MAZ: variants seen among roughly 807,000 people sequenced by gnomAD.
MAZ encodes MYC associated zinc finger protein.
Under a neutral mutation model 32.7 loss-of-function variants are expected in MAZ, and 4 were observed. The observed-to-expected ratio is 0.12, with a 90% confidence interval of 0.06 to 0.28. MAZ has a LOEUF of 0.28. MAZ is among the 10% of genes least tolerant of loss of function. The pLI, the probability that MAZ is intolerant of heterozygous loss-of-function variation, is 1.00. For missense variants in MAZ, 763 were observed against 667.2 expected (o/e 1.14, Z -1.58); for synonymous variants, 510 against 297.6 (o/e 1.71, Z -7.35).
chr16:29,811,092 C>G lies in MAZ; in HGVS notation c.*861C>G. On this transcript the variant is annotated 3_prime_UTR_variant, in exon 5 of 5. Coordinates refer to ENST00000322945, the MANE Select transcript of MAZ (RefSeq NM_002383.4). ...GCCATGTCATCGTGTTCCTGTGTCC[C>G]CTGCATGTACCCCACCCTCCACCCC... The G allele has an allele frequency of 2.2e-6, 1 of 453,700 alleles. No homozygotes were observed. Among genetic ancestry groups the G allele is most frequent in the Non-Finnish European group, 4.4e-6 (1 of 225,646 alleles). The allele number at this position is 453,700 out of a possible 1,614,324, so 28.1% of individuals were successfully genotyped here.
At chr16:29,808,936 T>G (rs951480424) in intron 4 of MAZ, 195 bp downstream of exon 4, 6 of 595,782 alleles carry the variant, frequency 1.0e-5, no homozygotes, top group African/African-American at 9.4e-5. Flanking sequence ...TTGGAAGAGA[T>G]GATCTGCCAG....
chr16:29,807,187 TCCGCCACCC>T lies in MAZ; in HGVS notation c.409_417del (p.Pro137_Pro139del), dbSNP rs1160389607. ...CCCTGAAGCAGCCTCCGGCGCCCCC[TCCGCCACCC>T]CCGCCAGTGTCGGCGCCCGCGGCCG... On this transcript the variant is annotated inframe_deletion, in exon 2 of 5. Transcript: ENST00000322945. 2.2e-5 allele frequency: 24 copies of T among 1,102,968 alleles called. No individual in the cohort carries two copies. The highest frequency in any genetic ancestry group is 2.7e-5 in the Non-Finnish European group (24 of 881,668). 68.3% of individuals were successfully genotyped at this position (1,102,968 alleles called of 1,614,324 possible). A position where few individuals can be genotyped will look rare whatever the true frequency, so the allele number is the denominator to read the frequency against.
chr16:29,809,238 G>GT, intron 4 of MAZ: 2 of 530,672 alleles, frequency 3.8e-6, no homozygotes, highest in Non-Finnish European at 6.6e-6. Context: ...TCTGCTGAGG[G>GT]TCAACCCTGC....
chr16:29,809,748 AC>A, intron 4 of MAZ: 2 of 1,411,508 alleles, frequency 1.4e-6, no homozygotes, highest in Non-Finnish European at 9.3e-7. Context: ...GCTGAGGGGG[AC>A]CCCCGCACCC....
intron 4 of MAZ, chr16:29,809,512 CGCCCCATCCCAATCCA>C: frequency 2.0e-6 from 3 of 1,472,232 alleles, no homozygotes; most frequent in Non-Finnish European, 2.8e-6. Flanking sequence ...GGCTGACCCC[CGCCCCATCCCAATCCA>C]CCCCCCAATA....
At chr16:29,809,935 A>G (rs1899819506) in intron 4 of MAZ, 142 bp from the exon 5 acceptor site, 1 of 1,365,414 alleles carries the variant, frequency 7.3e-7, no homozygotes, top group East Asian at 2.3e-5. Flanking sequence ...CTGGGTGAGG[A>G]TGCAGGCTGA....
At chr16:29,808,118 C>A (rs1167423284) in intron 2 of MAZ, 112 bp from the exon 3 acceptor site, 2 of 1,077,756 alleles carry the variant, frequency 1.9e-6, no homozygotes, top group Non-Finnish European at 2.8e-6. Flanking sequence ...GTCGCTGTGA[C>A]GGCCTGGGCT....
Position 29,810,445 on chromosome 16 carries a change from C to G in MAZ, c.*214C>G, listed in dbSNP as rs1899878866. On this transcript the variant is annotated 3_prime_UTR_variant, in exon 5 of 5. Transcript: ENST00000322945. ...TCTGTCAGACCTGACCCCACACAAA[C>G]CTGTCCCCTCGGTTGTGTTGAAGTC... The G allele has an allele frequency of 1.4e-6, 1 of 718,694 alleles. No homozygotes were observed. The highest frequency in any genetic ancestry group is 2.7e-5 in the East Asian group (1 of 37,334). The allele number at this position is 718,694 out of a possible 1,614,324, so 44.5% of individuals were successfully genotyped here. A position where few individuals can be genotyped will look rare whatever the true frequency, so the allele number is the denominator to read the frequency against.
At position 29,807,259 on chromosome 16, in the gene MAZ, G is replaced by A. The variant is rs1312388208; in HGVS notation, c.474G>A (p.Ala158=). ...CCGCCTCCGCCGCCACTATCGCCGC[G>A]GCGGCGGCCACCGCCGTCGTAGCCC... ...APPASAATIA[A]AAATAVVAPT... The change falls in exon 2 of 5, where the codon GCG becomes GCA. Residue 158 remains alanine (A), a synonymous_variant. Coordinates refer to ENST00000322945, the MANE Select transcript of MAZ (RefSeq NM_002383.4). 23 of 1,442,746 alleles carry A rather than the reference G, an allele frequency of 1.6e-5. No individual in the cohort carries two copies. Among genetic ancestry groups the A allele is most frequent in the Admixed American group, 2.5e-5 (1 of 39,312 alleles). 89.4% of individuals were successfully genotyped at this position (1,442,746 alleles called of 1,614,324 possible).
At chr16:29,808,767 G>A (rs1271075862) in intron 4 of MAZ, 26 bp downstream of exon 4, 9 of 1,609,672 alleles carry the variant, frequency 5.6e-6, no homozygotes, top group African/African-American at 1.3e-5. Flanking sequence ...TGCCGGGAGG[G>A]CCAGGGGCAG....
At chr16:29,806,486 C>G (rs1478122957), upstream of MAZ, 13 of 274,380 alleles carry the variant, frequency 4.7e-5, no homozygotes, top group Non-Finnish European at 6.3e-5. Flanking sequence ...CAGGGGGCGT[C>G]GCCGCCGCCG....
intron 2 of MAZ, 158 bp downstream of exon 2, chr16:29,807,986 G>T (rs770771376): frequency 2.9e-6 from 4 of 1,356,856 alleles, no homozygotes; most frequent in Non-Finnish European, 4.0e-6. Flanking sequence ...GGTTACCAGG[G>T]AGCAAGGGGT....
At position 29,806,586 on chromosome 16, in the gene MAZ, A is replaced by G. The variant is rs1899464104; in HGVS notation, c.-116A>G. ...CGGGCGGCGGGGCGGCCCGCGGGCC[A>G]TGCGTTCGGCGCGGCCCAGCCCGGC... On this transcript the variant is annotated 5_prime_UTR_variant, in exon 1 of 5. It removes an upstream start codon present in the reference 5' UTR. Coordinates refer to ENST00000322945, the MANE Select transcript of MAZ (RefSeq NM_002383.4). 2 of 955,432 alleles carry G rather than the reference A, an allele frequency of 2.1e-6. No individual in the cohort carries two copies. The highest frequency in any genetic ancestry group is 9.8e-5 in the South Asian group (2 of 20,364). 59.2% of individuals were successfully genotyped at this position (955,432 alleles called of 1,614,324 possible). A position where few individuals can be genotyped will look rare whatever the true frequency, so the allele number is the denominator to read the frequency against.
At position 29,807,567 on chromosome 16, in the gene MAZ, C is replaced by T; in HGVS notation, c.782C>T (p.Ala261Val). 7 of 1,605,480 alleles carry T rather than the reference C, an allele frequency of 4.4e-6. No individual in the cohort carries two copies. Among genetic ancestry groups the T allele is most frequent in the Non-Finnish European group, 5.9e-6 (7 of 1,177,034 alleles). The change falls in exon 2 of 5, where the codon GCC (alanine) becomes GTC (valine). Residue 261 changes from alanine (A) to valine (V), a missense_variant. Ala to Val is a moderately conservative substitution (Grantham distance 64). Transcript: ENST00000322945. Reference sequence around the variant, plus strand: ...GCCGGCGGCGGCGCTGCCGCAGTGGCCGCCGGTGGCGTGGTGACCACGACC... The same window carrying T: ...GCCGGCGGCGGCGCTGCCGCAGTGGTCGCCGGTGGCGTGGTGACCACGACC... The part of the protein sequence containing the change: ...AGAGGGAAAV[A>V]AGGVVTTTAS...
chr16:29,810,511 C>T lies in MAZ; in HGVS notation c.*280C>T, dbSNP rs1019625002. 2 of 701,728 alleles carry T rather than the reference C, an allele frequency of 2.9e-6. No individual in the cohort carries two copies. The highest frequency in any genetic ancestry group is 3.5e-5 in the African/African-American group (2 of 57,200). 43.5% of individuals were successfully genotyped at this position (701,728 alleles called of 1,614,324 possible). On this transcript the variant is annotated 3_prime_UTR_variant, in exon 5 of 5. Coordinates refer to ENST00000322945, the MANE Select transcript of MAZ (RefSeq NM_002383.4). ...AGGGGTGGCAGAGGACACGAGCAGC[C>T]ACTGCCCGTACCCCCTCTCCTCTCT... is the stretch of plus-strand genomic sequence containing the variant.
rs1899503138 is a variant in MAZ, at chr16:29,806,912, G to T, written c.192+19G>T. 1 of 1,270,402 alleles carries T rather than the reference G, an allele frequency of 7.9e-7. No individual in the cohort carries two copies. Among genetic ancestry groups the T allele is most frequent in the African/African-American group, 1.6e-5 (1 of 61,774 alleles). The allele number at this position is 1,270,402 out of a possible 1,614,324, so 78.7% of individuals were successfully genotyped here. Reference sequence around the variant, plus strand: ...ATTCCAGGTGAGTAGGGCCGGCCGCGGCGGCCCGGGCTGGGGGGGGACGCC... The same window carrying T: ...ATTCCAGGTGAGTAGGGCCGGCCGCTGCGGCCCGGGCTGGGGGGGGACGCC... On this transcript the variant is annotated intron_variant, in intron 1 of 4. Transcript: ENST00000322945.
chr16:29,807,928 G>T (rs1385220407), intron 2 of MAZ, 100 bp downstream of exon 2: 2 of 1,518,284 alleles, frequency 1.3e-6, no homozygotes, highest in East Asian at 2.4e-5. Flanking sequence ...GGCTGCTGAG[G>T]CTGGGGAAGG....
At chr16:29,809,560 C>T (rs777570804) in intron 4 of MAZ, 3 of 1,611,362 alleles carry the variant, frequency 1.9e-6, no homozygotes, top group South Asian at 1.1e-5. Flanking sequence ...GGCAGCATAC[C>T]TGCGCATCCA....
rs1416892675 is a variant in MAZ at position 29,810,344 on chromosome 16, C to T, written c.*113C>T. 2 of 1,105,246 alleles carry T rather than the reference C, an allele frequency of 1.8e-6. No individual in the cohort carries two copies. Among genetic ancestry groups the T allele is most frequent in the African/African-American group, 1.6e-5 (1 of 64,410 alleles). 68.5% of individuals were successfully genotyped at this position (1,105,246 alleles called of 1,614,324 possible). A position where few individuals can be genotyped will look rare whatever the true frequency, so the allele number is the denominator to read the frequency against. On this transcript the variant is annotated 3_prime_UTR_variant, in exon 5 of 5. Transcript: ENST00000322945. ...TATTTCCCTACCAACCAAGGAGCCTCCAGAAGGAAAGGAGGAAGAAATGTT... is the reference window on the plus strand; with the variant it reads ...TATTTCCCTACCAACCAAGGAGCCTTCAGAAGGAAAGGAGGAAGAAATGTT...
Sources: allele counts gnomAD v4.1 joint callset, GRCh38; gene constraint gnomAD v4.1.1; transcripts MANE v1.5; gene names NCBI Gene and HGNC (gene_info 2026-07-23, HGNC 2026-07-21).